The following CCDC146 variants were observed in gnomAD, a reference collection of about 807,000 sequenced individuals.
CCDC146 encodes coiled-coil domain-containing protein 146.
Under a neutral mutation model 119.3 loss-of-function variants are expected in CCDC146, and 92 were observed. The ratio of observed to expected loss-of-function variants is 0.77; its 90% CI spans 0.65 to 0.92. The LOEUF (loss-of-function observed/expected upper bound fraction) is 0.92, where lower values mean the gene tolerates loss of function less well. Among genes scored for constraint, CCDC146 ranks in the 40% least tolerant of loss-of-function variants. The probability of loss-of-function intolerance (pLI) is 0.00; values close to 1 mark genes in which losing one functional copy is unlikely to be tolerated. For missense variants in CCDC146, 1,000 were observed against 1,103.0 expected (o/e 0.91, Z 1.32); for synonymous variants, 372 against 371.8 (o/e 1.00, Z -0.01).
chr7:77,262,773 C>T (rs1047028713), intron 9 of CCDC146, among the ~76,000 whole-genome samples: 4 of 152,202 alleles, frequency 2.6e-5, no homozygotes, highest in Non-Finnish European at 5.9e-5. Flanking sequence ...TATCAGGCTG[C>T]CTGGCTAATT....
intron 2 of CCDC146, among the ~76,000 whole-genome samples, chr7:77,179,737 T>C (rs984620772): frequency 6.6e-6 from 1 of 152,316 alleles, no homozygotes; most frequent in African/African-American, 2.4e-5. Flanking sequence ...GATAAAATTA[T>C]ACTATTTTAA....
At position 77,269,064 on chromosome 7, in the gene CCDC146, G is replaced by T. The variant is rs112586488; in HGVS notation, c.1174-4630G>T. On this transcript the variant is annotated intron_variant, in intron 9 of 18. Coordinates refer to ENST00000285871, the MANE Select transcript of CCDC146 (RefSeq NM_020879.3). ...ACTTTGTCTTGGATTATTTAATTTT[G>T]TCCATTTGATTTTCTCTATTCTGTC... 1.2e-3 allele frequency among the ~76,000 whole-genome samples: 182 copies of T among 152,198 alleles called. 1 individual carries two copies. The highest frequency in any genetic ancestry group is 4.1e-3 in the African/African-American group (170 of 41,524).
chr7:77,161,170 C>G (rs1791255090), intron 1 of CCDC146, among the ~76,000 whole-genome samples: 1 of 152,130 alleles, frequency 6.6e-6, no homozygotes, highest in Non-Finnish European at 1.5e-5. Context: ...GAAATAGGAA[C>G]ACTTTTACAC....
Position 77,179,435 on chromosome 7 carries a change from C to A in CCDC146, c.156+11611C>A, listed in dbSNP as rs567896845. Among the ~76,000 whole-genome samples the A allele has an allele frequency of 2.8e-4, 43 of 152,130 alleles. 2 individuals carry two copies. The South Asian group carries it at 8.7e-3, about 31-fold the overall frequency. On this transcript the variant is annotated intron_variant, in intron 2 of 18. Coordinates refer to ENST00000285871, the MANE Select transcript of CCDC146 (RefSeq NM_020879.3). ...TATAGCCTTGTAGAACATCTATGCACAAAGAAGTAAGTCTTAGTATAATAT... is the reference window on the plus strand; with the variant it reads ...TATAGCCTTGTAGAACATCTATGCAAAAAGAAGTAAGTCTTAGTATAATAT...
At chr7:77,188,623 A>C (rs1791708741) in intron 2 of CCDC146, among the ~76,000 whole-genome samples, 1 of 152,168 alleles carries the variant, frequency 6.6e-6, no homozygotes, top group Non-Finnish European at 1.5e-5. Flanking sequence ...ATCTCCAAGA[A>C]GATGCAGTAT....
intron 9 of CCDC146, among the ~76,000 whole-genome samples, chr7:77,264,368 G>A (rs746951314): frequency 2.0e-5 from 3 of 151,878 alleles, no homozygotes; most frequent in South Asian, 2.1e-4. Flanking sequence ...AGCAATTCTC[G>A]TACTTCAGCC....
chr7:77,265,290 C>CTGTT (rs1296985427), intron 9 of CCDC146, among the ~76,000 whole-genome samples: 2 of 152,162 alleles, frequency 1.3e-5, no homozygotes, highest in Admixed American at 1.3e-4. Context: ...AAAACAATTC[C>CTGTT]TGTTTATTGA....
In CCDC146 at chr7:77,255,154, C is replaced by A. The variant is rs527444111; in HGVS notation, c.507+591C>A. Among the ~76,000 whole-genome samples the A allele has an allele frequency of 2.0e-4, 30 of 152,238 alleles. No individual in the cohort carries two copies. In the South Asian group the frequency reaches 6.2e-3, roughly 32 times the overall value. ...ATGATGGTGGAAGGGTTTCCAGACT[C>A]AATAAAGAGCAAACTCCAATATGTA... is the stretch of plus-strand genomic sequence containing the variant. On this transcript the variant is annotated intron_variant, in intron 5 of 18. Coordinates refer to ENST00000285871, the MANE Select transcript of CCDC146 (RefSeq NM_020879.3).
At chr7:77,124,730 G>A (rs566931316) in intron 1 of CCDC146, among the ~76,000 whole-genome samples, 1 of 152,260 alleles carries the variant, frequency 6.6e-6, no homozygotes, top group South Asian at 2.1e-4. Flanking sequence ...ACTTCTGGTA[G>A]GAGTGTTAAG....
chr7:77,142,560 C>T (rs1383219271), intron 1 of CCDC146, among the ~76,000 whole-genome samples: 1 of 151,838 alleles, frequency 6.6e-6, no homozygotes, highest in Non-Finnish European at 1.5e-5. Flanking sequence ...GCTTTCCCTC[C>T]CCCCTTCCCC....
intron 1 of CCDC146, among the ~76,000 whole-genome samples, chr7:77,130,839 C>A (rs1373101410): frequency 6.7e-6 from 1 of 149,250 alleles, no homozygotes; most frequent in Non-Finnish European, 1.5e-5. Context: ...CCTCGTGATC[C>A]GCCCGTCTGG....
intron 2 of CCDC146, among the ~76,000 whole-genome samples, chr7:77,181,358 G>A (rs1029955972): frequency 2.6e-5 from 4 of 152,188 alleles, no homozygotes; most frequent in African/African-American, 9.7e-5. Context: ...GTCAGTGGGG[G>A]TGTAGACTCT....
At chr7:77,281,147 G>A (rs1046254546) in intron 14 of CCDC146, among the ~76,000 whole-genome samples, 1 of 135,662 alleles carries the variant, frequency 7.4e-6, no homozygotes, top group Non-Finnish European at 1.6e-5. Context: ...AAGAAATACC[G>A]TCCTATGTCA....
In CCDC146 at chr7:77,294,463, G is replaced by GGGGT. The variant is rs1233864398; in HGVS notation, c.2665-199_2665-198insGGTG. ...ATACAGCCCATGCCAATGAGAGGTA[G>GGGGT]GTGTGTGTGTGTGTGTGTGTGTGTG... On this transcript the variant is annotated intron_variant, in intron 18 of 18. Coordinates refer to ENST00000285871, the MANE Select transcript of CCDC146 (RefSeq NM_020879.3). 2.5e-3 allele frequency among the ~76,000 whole-genome samples: 336 copies of GGGGT among 134,310 alleles called. 1 individual carries two copies. Among genetic ancestry groups the GGGGT allele is most frequent in the South Asian group, 5.5e-3 (22 of 4,010 alleles). 88.1% of individuals were successfully genotyped at this position (134,310 alleles called of 152,430 possible).
chr7:77,256,435 G>T lies in CCDC146; in HGVS notation c.610G>T (p.Ala204Ser), dbSNP rs141180887. The stretch of plus-strand genomic sequence containing the variant: ...AATTAAAAATTTACGAGAAGATTTG[G>T]CATCTAAACAAAAGCAATTATTAAA... ...LEIKNLREDL[A>S]SKQKQLLKEQ... is the part of the protein sequence containing the mutation. Residue 204 changes from alanine (A) to serine (S), a missense_variant, in exon 6 of 19, where the codon GCA becomes TCA. This residue lies in a region of CCDC146 where 985 missense variants were observed against 1,045.3 expected (regional missense o/e 0.94). Coordinates refer to ENST00000285871, the MANE Select transcript of CCDC146 (RefSeq NM_020879.3). 468 of 1,609,294 alleles carry T rather than the reference G, an allele frequency of 2.9e-4. No homozygotes were observed. The highest frequency in any genetic ancestry group is 3.7e-4 in the Non-Finnish European group (433 of 1,178,144).
rs754223450 is a variant in CCDC146 at position 77,260,166 on chromosome 7, C to T, written c.916C>T (p.Arg306Ter). The T allele has an allele frequency of 3.4e-5, 55 of 1,613,776 alleles. No homozygotes were observed. The highest frequency in any genetic ancestry group is 9.9e-5 in the South Asian group (9 of 91,082). The change falls in exon 8 of 19, where the codon CGA becomes TGA. Residue 306 changes from arginine to a stop codon, truncating the protein, a stop_gained. Transcript: ENST00000285871. LOFTEE classifies it high-confidence loss of function. The stretch of plus-strand genomic sequence containing the variant: ...ACGAGCCTTACTTGAAATCAAAGAA[C>T]GAGAACATAACCAATTGGTCAAGCT... The part of the protein sequence containing the change: ...GKRALLEIKE[R>*]EHNQLVKLLE...
intron 2 of CCDC146, among the ~76,000 whole-genome samples, chr7:77,189,748 TC>T (rs1358750733): frequency 6.6e-6 from 1 of 152,168 alleles, no homozygotes; most frequent in Non-Finnish European, 1.5e-5. Flanking sequence ...TATCCACTCT[TC>T]CAGGCTTGGG....
At chr7:77,210,900 A>G (rs768931860) in intron 2 of CCDC146, among the ~76,000 whole-genome samples, 29 of 152,144 alleles carry the variant, frequency 1.9e-4, no homozygotes, top group Non-Finnish European at 4.0e-4. Flanking sequence ...ACTCACTATC[A>G]TGAGAACAGC....
intron 1 of CCDC146, among the ~76,000 whole-genome samples, chr7:77,158,838 A>G (rs1488397562): frequency 1.3e-5 from 2 of 152,160 alleles, no homozygotes; most frequent in African/African-American, 4.8e-5. Context: ...TTTATCCATT[A>G]AACTTTGTTA....
Sources: allele counts gnomAD v4.1 joint callset (sites outside exome capture counted in the v4.1 genomes callset), GRCh38; gene constraint gnomAD v4.1.1; regional missense constraint gnomAD v4.1.1; transcripts MANE v1.5; gene names NCBI Gene and HGNC (gene_info 2026-07-23, HGNC 2026-07-21).